The following EYS variants were observed in gnomAD, a reference collection of about 807,000 sequenced individuals.
EYS encodes the protein EGF-like photoreceptor maintenance factor, also known as protein eyes shut homolog.
A neutral mutation model predicts 282.1 loss-of-function variants in EYS; 250 were observed. The ratio of observed to expected loss-of-function variants is 0.89; its 90% CI spans 0.80 to 0.98. The LOEUF (loss-of-function observed/expected upper bound fraction) is 0.98. Ranked by LOEUF, EYS falls within the 50% of genes least tolerant of loss-of-function variation. The pLI, the probability that EYS is intolerant of heterozygous loss-of-function variation, is 0.00. For missense variants in EYS, 4,016 were observed against 3,709.0 expected, an observed-to-expected ratio of 1.08 and a Z score of -2.15; for synonymous variants, 1,355 against 1,282.9, an observed-to-expected ratio of 1.06 and a Z score of -1.20.
intron 19 of EYS, among the ~76,000 whole-genome samples, chr6:64,877,744 T>G (rs532835432): frequency 2.0e-5 from 3 of 152,254 alleles, no homozygotes; most frequent in Admixed American, 1.3e-4. Context: ...AAATGGATAT[T>G]CAATAGACAG....
chr6:64,385,205 C>G (rs1196610254), intron 29 of EYS, among the ~76,000 whole-genome samples: 1 of 152,106 alleles, frequency 6.6e-6, no homozygotes, highest in African/African-American at 2.4e-5. Context: ...CTTTCTTTTT[C>G]TGATTCATCA....
chr6:64,178,108 C>T (rs1764689066), intron 31 of EYS, among the ~76,000 whole-genome samples: 1 of 151,984 alleles, frequency 6.6e-6, no homozygotes, highest in Admixed American at 6.6e-5. Context: ...AGAAGCGATA[C>T]AGGTTATTAG....
At chr6:63,879,778 A>C (rs976792597) in intron 35 of EYS, among the ~76,000 whole-genome samples, 1 of 152,086 alleles carries the variant, frequency 6.6e-6, no homozygotes, top group Non-Finnish European at 1.5e-5. Context: ...GTTATTGTTG[A>C]TGATGATGAT....
chr6:63,908,012 G>GTGTATATA (rs1491193336), intron 35 of EYS, among the ~76,000 whole-genome samples: 125 of 131,170 alleles, frequency 9.5e-4, no homozygotes, highest in South Asian at 2.3e-3. Flanking sequence ...ACACACAAAC[G>GTGTATATA]TATATATATA....
At chr6:64,185,711 A>G (rs368799299) in intron 31 of EYS, among the ~76,000 whole-genome samples, 1 of 152,084 alleles carries the variant, frequency 6.6e-6, no homozygotes, top group Non-Finnish European at 1.5e-5. Flanking sequence ...GTGGAAAAAA[A>G]CTGTGATTTT....
At chr6:64,368,564 G>T (rs1651389001) in intron 29 of EYS, among the ~76,000 whole-genome samples, 1 of 151,962 alleles carries the variant, frequency 6.6e-6, no homozygotes, top group Non-Finnish European at 1.5e-5. Flanking sequence ...CTGTAGCCTT[G>T]CCAGCATGTT....
chr6:63,847,170 T>C (rs1473452441), intron 36 of EYS, among the ~76,000 whole-genome samples: 2 of 152,208 alleles, frequency 1.3e-5, no homozygotes, highest in African/African-American at 2.4e-5. Context: ...AAAATTGGGA[T>C]TGTGACTTGA....
At position 64,902,514 on chromosome 6, in the gene EYS, G is replaced by A. The variant is rs1378342794; in HGVS notation, c.2642-14C>T. On this transcript the variant is annotated splice_polypyrimidine_tract_variant and intron_variant, in intron 16 of 42. Coordinates refer to ENST00000503581, the MANE Select transcript of EYS (RefSeq NM_001142800.2). Reference sequence around the variant, plus strand: ...TACCTTCAAATTCTGCAAAGAGTATGAGATGAGTATGGATGAGCAATCCTT... The same window carrying A: ...TACCTTCAAATTCTGCAAAGAGTATAAGATGAGTATGGATGAGCAATCCTT... 4 of 1,476,172 alleles carry A rather than the reference G, an allele frequency of 2.7e-6. No homozygotes were observed. Among genetic ancestry groups the A allele is most frequent in the East Asian group, 2.5e-5 (1 of 40,244 alleles). The allele number at this position is 1,476,172 out of a possible 1,614,324, so 91.4% of individuals were successfully genotyped here. A position where few individuals can be genotyped will look rare whatever the true frequency, so the allele number is the denominator to read the frequency against.
intron 22 of EYS, among the ~76,000 whole-genome samples, chr6:64,759,566 C>A (rs1225739803): frequency 6.6e-6 from 1 of 152,068 alleles, no homozygotes; most frequent in Non-Finnish European, 1.5e-5. Context: ...AACATGTAAT[C>A]AGTTGTACAG....
chr6:64,389,964 G>C, intron 28 of EYS, among the ~76,000 whole-genome samples: 1 of 150,912 alleles, frequency 6.6e-6, no homozygotes, highest in Non-Finnish European at 1.5e-5. Context: ...CACTTGGGAA[G>C]TGCAAGGGGT....
At chr6:65,219,085 T>G (rs531080818) in intron 12 of EYS, among the ~76,000 whole-genome samples, 1 of 152,276 alleles carries the variant, frequency 6.6e-6, no homozygotes, top group East Asian at 1.9e-4. Context: ...CTTCCAAATT[T>G]TGCATGATTT....
At chr6:65,151,096 CA>C (rs1278368302) in intron 12 of EYS, among the ~76,000 whole-genome samples, 3 of 151,882 alleles carry the variant, frequency 2.0e-5, no homozygotes, top group Non-Finnish European at 4.4e-5. Flanking sequence ...TTTAGTATGA[CA>C]TTTTTGACAA....
intron 29 of EYS, among the ~76,000 whole-genome samples, chr6:64,323,785 T>C (rs1770304701): frequency 1.3e-5 from 2 of 152,100 alleles, no homozygotes; most frequent in African/African-American, 4.8e-5. Context: ...GGAGTAGAAA[T>C]ATGTCCATAA....
intron 37 of EYS, among the ~76,000 whole-genome samples, chr6:63,790,302 AG>A (rs1431727146): frequency 6.6e-6 from 1 of 152,214 alleles, no homozygotes; most frequent in Non-Finnish European, 1.5e-5. Context: ...ACAGGGAGGT[AG>A]GTTTCCAGAT....
chr6:64,125,866 A>G (rs1050950016), intron 31 of EYS, among the ~76,000 whole-genome samples: 4 of 151,664 alleles, frequency 2.6e-5, no homozygotes, highest in Admixed American at 6.6e-5. Context: ...ACCACACTCA[A>G]TATAAATTGT....
intron 12 of EYS, among the ~76,000 whole-genome samples, chr6:65,102,510 C>T (rs7769836): frequency 0.037 from 5,637 of 150,862 alleles, 367 homozygotes; most frequent in African/African-American, 0.13. Flanking sequence ...TAGCTATAAA[C>T]AATAGGCAAA....
chr6:65,472,927 T>C (rs1308890080), intron 5 of EYS, among the ~76,000 whole-genome samples: 2 of 152,050 alleles, frequency 1.3e-5, no homozygotes, highest in Non-Finnish European at 2.9e-5. Context: ...CTAAGGTCCC[T>C]AGGTTATGCT....
In EYS at chr6:64,397,108, T is replaced by A. The variant is rs534660254; in HGVS notation, c.5928-8268A>T. Among the ~76,000 whole-genome samples the A allele has an allele frequency of 3.9e-5, 6 of 152,210 alleles. No individual in the cohort carries two copies. In the South Asian group the frequency reaches 1.2e-3, roughly 32 times the overall value. ...TTTTTAATTGAGATAATTAAATATC[T>A]CTTTCTTTCTCTCTTATGTGTAATG... On this transcript the variant is annotated intron_variant, in intron 28 of 42. Transcript: ENST00000503581.
chr6:63,955,019 G>A (rs1765755698), intron 35 of EYS, among the ~76,000 whole-genome samples: 1 of 152,126 alleles, frequency 6.6e-6, no homozygotes, highest in African/African-American at 2.4e-5. Flanking sequence ...CCCTGTGAAG[G>A]ACTGGCAAAT....
Sources: allele counts gnomAD v4.1 joint callset (sites outside exome capture counted in the v4.1 genomes callset), GRCh38; gene constraint gnomAD v4.1.1; transcripts MANE v1.5; gene names NCBI Gene and HGNC (gene_info 2026-07-23, HGNC 2026-07-21).